HM13: variants seen among roughly 807,000 people sequenced by gnomAD.
HM13 encodes the protein signal peptide peptidase.
A neutral mutation model predicts 50.0 loss-of-function variants in HM13; 18 were observed. That is an observed-to-expected ratio of 0.36 (90% CI 0.25 to 0.53). The LOEUF (loss-of-function observed/expected upper bound fraction) is 0.53. HM13 is among the 20% of genes least tolerant of loss of function. The probability of loss-of-function intolerance (pLI) is 0.90; values close to 1 mark genes in which losing one functional copy is unlikely to be tolerated. For synonymous variants in HM13, 197 were observed against 232.6 expected, an observed-to-expected ratio of 0.85 and a Z score of 1.39; for missense variants, 393 against 552.4, an observed-to-expected ratio of 0.71 and a Z score of 2.89.
chr20:31,551,870 G>T (rs1242072317), intron 7 of HM13, among the ~76,000 whole-genome samples: 1 of 152,140 alleles, frequency 6.6e-6, no homozygotes, highest in Non-Finnish European at 1.5e-5. Context: ...TGAATTCTGT[G>T]GTCCCAGCTT....
chr20:31,521,142 A>G (rs1429734056), intron 1 of HM13, among the ~76,000 whole-genome samples: 2 of 152,216 alleles, frequency 1.3e-5, no homozygotes, highest in Non-Finnish European at 2.9e-5. Flanking sequence ...AATCCTAGCA[A>G]CTTTTTAGTA....
intron 11 of HM13, among the ~76,000 whole-genome samples, chr20:31,566,878 C>A (rs1235411787): frequency 1.3e-5 from 2 of 152,162 alleles, no homozygotes; most frequent in African/African-American, 4.8e-5. Flanking sequence ...TACCGCAAGG[C>A]CTGCGTGACT....
intron 4 of HM13, among the ~76,000 whole-genome samples, chr20:31,546,525 C>T (rs1462006497): frequency 1.3e-5 from 2 of 151,406 alleles, no homozygotes; most frequent in East Asian, 1.9e-4. Flanking sequence ...CTGAGGCAGG[C>T]GGATGACTTG....
chr20:31,516,730 C>T (rs1409245782), intron 1 of HM13, among the ~76,000 whole-genome samples: 2 of 152,140 alleles, frequency 1.3e-5, no homozygotes, highest in African/African-American at 4.8e-5. Flanking sequence ...CCTCTGAATA[C>T]CTCTCCCAAG....
intron 8 of HM13, among the ~76,000 whole-genome samples, chr20:31,559,183 A>G (rs1984473875): frequency 6.6e-6 from 1 of 152,140 alleles, no homozygotes; most frequent in African/African-American, 2.4e-5. Flanking sequence ...TCCAAAGTGG[A>G]AGCACTCTTT....
intron 2 of HM13, among the ~76,000 whole-genome samples, chr20:31,534,174 A>C (rs1982980867): frequency 6.6e-6 from 1 of 152,058 alleles, no homozygotes; most frequent in Admixed American, 6.5e-5. Context: ...CACTGCACCC[A>C]GCCCACTTTA....
intron 3 of HM13, among the ~76,000 whole-genome samples, chr20:31,542,326 C>T (rs1219880229): frequency 6.6e-6 from 1 of 152,194 alleles, no homozygotes; most frequent in Non-Finnish European, 1.5e-5. Flanking sequence ...GTGCCCCACC[C>T]AGCTGACCTT....
chr20:31,543,316 C>T (rs1435827110), intron 3 of HM13, among the ~76,000 whole-genome samples: 2 of 152,138 alleles, frequency 1.3e-5, no homozygotes, highest in Non-Finnish European at 1.5e-5. Context: ...GACGGAGTCT[C>T]GCTGTGTCGC....
At chr20:31,526,743 T>TGAGGA (rs1982514857) in intron 1 of HM13, among the ~76,000 whole-genome samples, 2 of 152,258 alleles carry the variant, frequency 1.3e-5, no homozygotes, top group Non-Finnish European at 2.9e-5. Context: ...TCACAGTTGG[T>TGAGGA]GTCTCCCTAT....
chr20:31,527,613 G>T, intron 2 of HM13, 31 bp downstream of exon 2: 1 of 1,384,736 alleles, frequency 7.2e-7, no homozygotes, highest in Non-Finnish European at 1.0e-6. Flanking sequence ...TGTGTCATTT[G>T]ATCTAAATGA....
At chr20:31,558,915 G>GT (rs1482025532) in intron 8 of HM13, among the ~76,000 whole-genome samples, 5 of 151,548 alleles carry the variant, frequency 3.3e-5, no homozygotes, top group African/African-American at 1.2e-4. Flanking sequence ...TTTTGTTGTT[G>GT]TTTTGTTTTG....
intron 10 of HM13, among the ~76,000 whole-genome samples, chr20:31,565,059 C>T (rs1427375898): frequency 6.9e-6 from 1 of 144,136 alleles, no homozygotes; most frequent in African/African-American, 2.6e-5. Flanking sequence ...CCAGCTACTC[C>T]GGAGGCTAAG....
intron 1 of HM13, among the ~76,000 whole-genome samples, chr20:31,522,982 T>C (rs1478585481): frequency 6.6e-6 from 1 of 150,660 alleles, no homozygotes; most frequent in Non-Finnish European, 1.5e-5. Flanking sequence ...GTCACAGTGA[T>C]ATACATGTCT....
At chr20:31,547,933 T>C in intron 4 of HM13, 1 of 1,282,932 alleles carries the variant, frequency 7.8e-7, no homozygotes, top group Non-Finnish European at 1.1e-6. Flanking sequence ...GCATGCTCTG[T>C]GTGTTGGGGT....
chr20:31,544,976 G>T lies in HM13; in HGVS notation c.395G>T (p.Ser132Ile), dbSNP rs1774926819. The T allele has an allele frequency of 6.2e-7, 1 of 1,614,224 alleles. No homozygotes were observed. The highest frequency in any genetic ancestry group is 8.5e-7 in the Non-Finnish European group (1 of 1,180,026). ...SPFMNKFFPA[S>I]FPNRQYQLLF... ...TTCATGAATAAGTTTTTTCCAGCCA[G>T]CTTTCCAAATCGACAGTACCAGCTG... is the stretch of plus-strand genomic sequence containing the variant. The change falls in exon 4 of 13, where the codon AGC becomes ATC. Residue 132 changes from serine (S) to isoleucine (I), a missense_variant. Ser to Ile is a moderately radical substitution (Grantham distance 142, BLOSUM62 -2). Transcript: ENST00000398174.
chr20:31,531,860 T>C (rs1211964623), intron 2 of HM13, among the ~76,000 whole-genome samples: 1 of 152,138 alleles, frequency 6.6e-6, no homozygotes, highest in African/African-American at 2.4e-5. Context: ...ACTCAGGAGA[T>C]TGAGGCTGAA....
chr20:31,551,147 G>C (rs1347230403), intron 7 of HM13, among the ~76,000 whole-genome samples: 1 of 152,170 alleles, frequency 6.6e-6, no homozygotes, highest in Non-Finnish European at 1.5e-5. Context: ...AACATTTCTG[G>C]TTGAACCATT....
At chr20:31,530,583 G>A (rs1372593912) in intron 2 of HM13, among the ~76,000 whole-genome samples, 1 of 152,012 alleles carries the variant, frequency 6.6e-6, no homozygotes, top group Non-Finnish European at 1.5e-5. Context: ...GCTAATTTTT[G>A]TAATTTTAGT....
intron 8 of HM13, among the ~76,000 whole-genome samples, chr20:31,557,424 A>T (rs1270429218): frequency 6.6e-6 from 1 of 152,214 alleles, no homozygotes; most frequent in Non-Finnish European, 1.5e-5. Context: ...TCCCGCAATC[A>T]CAATAAATGT....
Sources: gnomAD v4.1 joint callset for allele counts (sites outside exome capture counted in the v4.1 genomes callset) on GRCh38, gnomAD v4.1.1 for gene constraint, MANE v1.5 for transcripts, NCBI Gene and HGNC (gene_info 2026-07-23, HGNC 2026-07-21) for gene names.